ELFN1: variants seen among roughly 807,000 people sequenced by gnomAD.
ELFN1 encodes the protein extracellular leucine rich repeat and fibronectin type III domain containing 1, also known as protein ELFN1.
A neutral mutation model predicts 7.6 loss-of-function variants in ELFN1; 6 were observed. The ratio of observed to expected loss-of-function variants is 0.79; its 90% CI spans 0.43 to 1.56. The LOEUF (loss-of-function observed/expected upper bound fraction) is 1.56, where lower values mean the gene tolerates loss of function less well. ELFN1 is among the 40% of genes most tolerant of loss of function. The pLI, the probability that ELFN1 is intolerant of heterozygous loss-of-function variation, is 0.01. For synonymous variants in ELFN1, 657 were observed against 588.1 expected, an observed-to-expected ratio of 1.12 and a Z score of -1.70; for missense variants, 1,169 against 1,232.2, an observed-to-expected ratio of 0.95 and a Z score of 0.77.
intron 1 of ELFN1, among the ~76,000 whole-genome samples, chr7:1,672,789 T>C (rs1314039146): frequency 6.6e-6 from 1 of 151,872 alleles, no homozygotes; most frequent in Non-Finnish European, 1.5e-5. Flanking sequence ...CGTGCCAGAC[T>C]CAGACACCAT....
intron 1 of ELFN1, among the ~76,000 whole-genome samples, chr7:1,679,005 G>T (rs1778924130): frequency 6.6e-6 from 1 of 152,136 alleles, no homozygotes; most frequent in Non-Finnish European, 1.5e-5. Flanking sequence ...GGAGAGGCCT[G>T]GGGACCCTGA....
At chr7:1,744,075 C>T (rs367578254) in intron 3 of ELFN1, among the ~76,000 whole-genome samples, 2 of 152,170 alleles carry the variant, frequency 1.3e-5, no homozygotes, top group East Asian at 1.9e-4. Flanking sequence ...GACCCCTCCA[C>T]GGGAGGGTGA....
intron 2 of ELFN1, among the ~76,000 whole-genome samples, chr7:1,698,470 G>A (rs942821247): frequency 2.4e-4 from 36 of 152,126 alleles, no homozygotes; most frequent in South Asian, 4.1e-4. Flanking sequence ...GTTGGCAGCC[G>A]CAATGAAATT....
chr7:1,724,836 G>GTC (rs1203784132), intron 3 of ELFN1, among the ~76,000 whole-genome samples: 1 of 152,090 alleles, frequency 6.6e-6, no homozygotes, highest in Non-Finnish European at 1.5e-5. Flanking sequence ...CCCACCTCCC[G>GTC]TCCTGCACCC....
intron 2 of ELFN1, among the ~76,000 whole-genome samples, chr7:1,700,681 GC>G (rs1427936990): frequency 2.0e-5 from 3 of 152,200 alleles, no homozygotes; most frequent in Non-Finnish European, 4.4e-5. Context: ...ACAGTCGCCG[GC>G]TCTTTCCCAA....
chr7:1,715,056 A>T (rs1285799505), intron 3 of ELFN1, among the ~76,000 whole-genome samples: 1 of 152,156 alleles, frequency 6.6e-6, no homozygotes, highest in African/African-American at 2.4e-5. Context: ...AGGAGAAGGG[A>T]ATACACCAGC....
At chr7:1,680,977 G>A (rs1270965080) in intron 1 of ELFN1, among the ~76,000 whole-genome samples, 2 of 151,938 alleles carry the variant, frequency 1.3e-5, no homozygotes, top group African/African-American at 4.8e-5. Context: ...CCTGACCTCA[G>A]GTGATCCACA....
At chr7:1,736,727 T>C (rs1780457928) in intron 3 of ELFN1, among the ~76,000 whole-genome samples, 1 of 152,150 alleles carries the variant, frequency 6.6e-6, no homozygotes, top group South Asian at 2.1e-4. Flanking sequence ...TTCAACAATT[T>C]CATGTTAGGA....
Position 1,739,134 on chromosome 7 carries a change from A to C in ELFN1, c.-293-5170A>C, listed in dbSNP as rs957931260. 6.6e-6 allele frequency: 1 copy of C among 152,100 alleles called. No homozygotes were observed. The highest frequency in any genetic ancestry group is 2.4e-5 in the African/African-American group (1 of 41,400). The allele number at this position is 152,100 out of a possible 1,614,324, so 9.4% of individuals were successfully genotyped here. ...AGGCCGGATTCTCCTCCACGCGTGG[A>C]GGACTGGACGCCCTCAGGGCTGCGC... On this transcript the variant is annotated intron_variant, in intron 3 of 3. Coordinates refer to ENST00000424383, the MANE Select transcript of ELFN1 (RefSeq NM_001128636.4). The surrounding 1 kb of genome is among the most constrained non-coding windows in gnomAD (Gnocchi z 4.6).
chr7:1,723,395 G>C (rs1196240511), intron 3 of ELFN1, among the ~76,000 whole-genome samples: 2 of 152,144 alleles, frequency 1.3e-5, no homozygotes, highest in African/African-American at 2.4e-5. Flanking sequence ...CTGACGCTTT[G>C]GATATGGCGT....
chr7:1,726,302 C>A (rs1326583034), intron 3 of ELFN1, among the ~76,000 whole-genome samples: 3 of 152,226 alleles, frequency 2.0e-5, no homozygotes, highest in Non-Finnish European at 4.4e-5. Flanking sequence ...GAGCCGCAGC[C>A]CTGCCTGCAC....
rs1778749029 is a variant in ELFN1 at position 1,670,764 on chromosome 7, A to C, written c.-549+410A>C. Reference sequence around the variant, plus strand: ...TCCCGGAAATTAGGGGGCTGTCCTCACCTCCTGGCCGAGTCGCTGACCCCT... The same window carrying C: ...TCCCGGAAATTAGGGGGCTGTCCTCCCCTCCTGGCCGAGTCGCTGACCCCT... On this transcript the variant is annotated intron_variant, in intron 1 of 3. Coordinates refer to ENST00000424383, the MANE Select transcript of ELFN1 (RefSeq NM_001128636.4). The surrounding 1 kb of genome is among the most constrained non-coding windows in gnomAD (Gnocchi z 6.4). Among the ~76,000 whole-genome samples, 2 of 148,518 alleles carry C rather than the reference A, an allele frequency of 1.3e-5. No homozygotes were observed. The highest frequency in any genetic ancestry group is 2.5e-5 in the African/African-American group (1 of 39,780).
intron 3 of ELFN1, among the ~76,000 whole-genome samples, chr7:1,730,024 G>A (rs986454315): frequency 3.9e-5 from 6 of 152,306 alleles, no homozygotes; most frequent in Admixed American, 6.5e-5. Flanking sequence ...AGCCCCACCC[G>A]GGGACCAGCC....
rs561165764 is a variant in ELFN1, at chr7:1,670,831, C to A, written c.-549+477C>A. Among the ~76,000 whole-genome samples, 1 of 152,186 alleles carries A rather than the reference C, an allele frequency of 6.6e-6. No individual in the cohort carries two copies. The highest frequency in any genetic ancestry group is 6.5e-5 in the Admixed American group (1 of 15,288). ...CCCTCCCTGCTGGGCCGCCCTCCCC[C>A]CGACGCTGCGAGCCTCCTCGCTCCG... On this transcript the variant is annotated intron_variant, in intron 1 of 3. Transcript: ENST00000424383. This position sits in a 1 kb window ranked among gnomAD's most constrained non-coding sequence, Gnocchi z 6.4.
rs1375449004 is a variant in ELFN1, at chr7:1,746,933, C to T, written c.2337C>T (p.Arg779=). 2 of 1,550,124 alleles carry T rather than the reference C, an allele frequency of 1.3e-6. No homozygotes were observed. Among genetic ancestry groups the T allele is most frequent in the Admixed American group, 2.0e-5 (1 of 50,936 alleles). The part of the protein sequence containing the change: ...TCRASQSIWE[R]FRLSRRRHKE... ...GGGCCTCCCAGAGCATCTGGGAGCG[C>T]TTCAGACTGAGCCGCCGGCGGCACA... The change falls in exon 4 of 4, where the codon CGC becomes CGT. Residue 779 remains arginine, a synonymous_variant. Coordinates refer to ENST00000424383, the MANE Select transcript of ELFN1 (RefSeq NM_001128636.4).
chr7:1,722,489 G>A (rs777942767), intron 3 of ELFN1, among the ~76,000 whole-genome samples: 11 of 151,622 alleles, frequency 7.3e-5, no homozygotes, highest in African/African-American at 2.7e-4. Flanking sequence ...GGCTGGTCTC[G>A]AACTCCTGAC....
chr7:1,721,931 C>T (rs1207929177), intron 3 of ELFN1, among the ~76,000 whole-genome samples: 1 of 152,260 alleles, frequency 6.6e-6, no homozygotes, highest in Non-Finnish European at 1.5e-5. Flanking sequence ...GTGTGACTCA[C>T]TGCCAGAGGC....
At chr7:1,734,249 G>A (rs1780385996) in intron 3 of ELFN1, among the ~76,000 whole-genome samples, 2 of 152,110 alleles carry the variant, frequency 1.3e-5, no homozygotes, top group Admixed American at 1.3e-4. Flanking sequence ...AGTGTTCCTG[G>A]AGAGGGTCAT....
chr7:1,714,864 C>T lies in ELFN1; in HGVS notation c.-294+5612C>T, dbSNP rs146488218. On this transcript the variant is annotated intron_variant, in intron 3 of 3. Coordinates refer to ENST00000424383, the MANE Select transcript of ELFN1 (RefSeq NM_001128636.4). ...CCCCACGTGGGGGTCATTTTTCTTA[C>T]GCAAAGACAGCAGCAGTGGAGCTGG... 1.8e-4 allele frequency among the ~76,000 whole-genome samples: 28 copies of T among 152,308 alleles called. No homozygotes were observed. The East Asian group carries it at 2.1e-3, about 12-fold the overall frequency.
Sources: allele counts gnomAD v4.1 joint callset (sites outside exome capture counted in the v4.1 genomes callset), GRCh38; gene constraint gnomAD v4.1.1; non-coding constraint Gnocchi (gnomAD v3.1); transcripts MANE v1.5; gene names NCBI Gene and HGNC (gene_info 2026-07-23, HGNC 2026-07-21).